Variants in CATSPERD observed in about 807,000 individuals in gnomAD.
CATSPERD encodes the protein catsper channel auxiliary subunit delta.
In CATSPERD, 86 loss-of-function variants were observed where a neutral mutation model predicts 98.1. That is an observed-to-expected ratio of 0.88 (90% confidence interval 0.74 to 1.05). The LOEUF (loss-of-function observed/expected upper bound fraction) is 1.05, where lower values mean the gene tolerates loss of function less well. Among genes scored for constraint, CATSPERD ranks in the 50% least tolerant of loss-of-function variants. The pLI is 0.00. For missense variants in CATSPERD, 995 were observed against 1,005.7 expected (o/e 0.99, Z 0.14); for synonymous variants, 394 against 390.2 (o/e 1.01, Z -0.12).
At chr19:5,721,278 A>G (rs1022391488) in intron 1 of CATSPERD, among the ~76,000 whole-genome samples, 8 of 152,010 alleles carry the variant, frequency 5.3e-5, no homozygotes, top group Middle Eastern at 3.2e-3. Flanking sequence ...CTGGGATTAC[A>G]GGCGTGAGCC....
chr19:5,758,769 C>G (rs1343392302), intron 14 of CATSPERD, among the ~76,000 whole-genome samples: 1 of 149,528 alleles, frequency 6.7e-6, no homozygotes, highest in Non-Finnish European at 1.5e-5. Context: ...AAAAAAAAGG[C>G]AAACATTAGC....
chr19:5,738,767 G>C (rs2485264), intron 6 of CATSPERD, among the ~76,000 whole-genome samples: 1 of 151,960 alleles, frequency 6.6e-6, no homozygotes, highest in African/African-American at 2.4e-5. Flanking sequence ...GTACAGGTGG[G>C]GTTTCACCAT....
intron 20 of CATSPERD, among the ~76,000 whole-genome samples, chr19:5,773,496 C>A (rs568019624): frequency 3.3e-4 from 50 of 152,134 alleles, no homozygotes; most frequent in Non-Finnish European, 6.5e-4. Context: ...GATGGAATTC[C>A]CGGGCTGTCT....
chr19:5,767,430 T>C (rs2056561717), intron 17 of CATSPERD, among the ~76,000 whole-genome samples: 1 of 150,386 alleles, frequency 6.6e-6, no homozygotes, highest in Non-Finnish European at 1.5e-5. Context: ...TTTTTTTCCA[T>C]ATCTGCTCAT....
chr19:5,732,590 G>C (rs770031342), intron 4 of CATSPERD, among the ~76,000 whole-genome samples: 1 of 151,598 alleles, frequency 6.6e-6, no homozygotes, highest in African/African-American at 2.4e-5. Context: ...CCGCCACCAC[G>C]CCCGGCTAAT....
intron 17 of CATSPERD, 61 bp downstream of exon 17, chr19:5,766,216 C>A: frequency 1.4e-6 from 2 of 1,457,742 alleles, no homozygotes; most frequent in Non-Finnish European, 1.9e-6. Context: ...TTTGGGAGGC[C>A]GAGGTGGGCA....
chr19:5,748,697 AT>A (rs1407024285), intron 10 of CATSPERD, among the ~76,000 whole-genome samples: 1 of 134,236 alleles, frequency 7.4e-6, no homozygotes, highest in Non-Finnish European at 1.6e-5. Flanking sequence ...GAATTTTGTG[AT>A]TATAACCAGA....
intron 16 of CATSPERD, among the ~76,000 whole-genome samples, chr19:5,764,845 C>A (rs1469371559): frequency 1.3e-5 from 2 of 151,472 alleles, no homozygotes; most frequent in Non-Finnish European, 2.9e-5. Flanking sequence ...GAACTCCTGA[C>A]CTCAGGCAAT....
At chr19:5,763,759 T>TA (rs760167025) in intron 16 of CATSPERD, among the ~76,000 whole-genome samples, 14 of 150,588 alleles carry the variant, frequency 9.3e-5, no homozygotes, top group Non-Finnish European at 1.9e-4. Flanking sequence ...CTCCCACACT[T>TA]ACAGGCGTGA....
rs1042326793 is a variant in CATSPERD at position 5,763,101 on chromosome 19, G to A, written c.1428-114G>A. On this transcript the variant is annotated intron_variant, in intron 15 of 21. Coordinates refer to ENST00000381624, the MANE Select transcript of CATSPERD (RefSeq NM_152784.4). ...GGAATGAATGGATGGAAGGATGGAT[G>A]AGATGGATGGATGGATGCACGGATG... The A allele has an allele frequency of 9.6e-6, 7 of 731,886 alleles. No homozygotes were observed. In the Admixed American group the frequency reaches 1.3e-4, roughly 14 times the overall value. The allele number at this position is 731,886 out of a possible 1,614,324, so 45.3% of individuals were successfully genotyped here.
intron 5 of CATSPERD, among the ~76,000 whole-genome samples, chr19:5,734,448 G>A (rs1439657290): frequency 6.6e-6 from 1 of 152,178 alleles, no homozygotes; most frequent in Non-Finnish European, 1.5e-5. Context: ...AGACCAGCCT[G>A]ACCAACATGG....
In CATSPERD at chr19:5,763,847, C is replaced by CTTTTTTTTTTTTTTTTTTTTTTTTTTT. The variant is rs56352544; in HGVS notation, c.1506+572_1506+573insTTTTTTTTTTTTTTTTTTTTTTTTTTT. On this transcript the variant is annotated intron_variant, in intron 16 of 21. Coordinates refer to ENST00000381624, the MANE Select transcript of CATSPERD (RefSeq NM_152784.4). ...TGTTGGCCAGGCTGGTCTTGAACTCCTTTTTTTTTTTTTTTTTTGACATGG... is the reference window on the plus strand; with the variant it reads ...TGTTGGCCAGGCTGGTCTTGAACTCCTTTTTTTTTTTTTTTTTTTTTTTTTTTTTTTTTTTTTTTTTTTTTGACATGG... 6.1e-3 allele frequency among the ~76,000 whole-genome samples: 379 copies of CTTTTTTTTTTTTTTTTTTTTTTTTTTT among 62,066 alleles called. 85 individuals carry two copies. Among genetic ancestry groups the CTTTTTTTTTTTTTTTTTTTTTTTTTTT allele is most frequent in the Middle Eastern group, 0.012 (1 of 86 alleles). The allele number at this position is 62,066 out of a possible 152,430, so 40.7% of individuals were successfully genotyped here.
intron 10 of CATSPERD, among the ~76,000 whole-genome samples, chr19:5,748,836 C>A (rs1211591470): frequency 1.5e-5 from 2 of 133,388 alleles, no homozygotes; most frequent in Non-Finnish European, 3.1e-5. Context: ...TTAAATGATT[C>A]TCCTGCCTCA....
In CATSPERD at chr19:5,763,847, C is replaced by CTTTTTTTTTTTTTT. The variant is rs56352544; in HGVS notation, c.1506+559_1506+572dup. ...TGTTGGCCAGGCTGGTCTTGAACTCCTTTTTTTTTTTTTTTTTTGACATGG... is the reference window on the plus strand; with the variant it reads ...TGTTGGCCAGGCTGGTCTTGAACTCCTTTTTTTTTTTTTTTTTTTTTTTTTTTTTTTTGACATGG... On this transcript the variant is annotated intron_variant, in intron 16 of 21. Transcript: ENST00000381624. Among the ~76,000 whole-genome samples, 47 of 62,132 alleles carry CTTTTTTTTTTTTTT rather than the reference C, an allele frequency of 7.6e-4. 7 individuals are homozygous for CTTTTTTTTTTTTTT. Among genetic ancestry groups the CTTTTTTTTTTTTTT allele is most frequent in the Middle Eastern group, 0.023 (2 of 86 alleles). The allele number at this position is 62,132 out of a possible 152,430, so 40.8% of individuals were successfully genotyped here.
chr19:5,720,705 G>A lies in CATSPERD; in HGVS notation c.-33G>A, dbSNP rs1011456127. The A allele has an allele frequency of 6.2e-7, 1 of 1,600,104 alleles. No individual in the cohort carries two copies. The highest frequency in any genetic ancestry group is 8.5e-7 in the Non-Finnish European group (1 of 1,175,988). Reference sequence around the variant, plus strand: ...TGTGCAGCGACTCCCCGTGGCGGTTGAGGGGCAGTGGTGGCGGCGGAAGCC... The same window carrying A: ...TGTGCAGCGACTCCCCGTGGCGGTTAAGGGGCAGTGGTGGCGGCGGAAGCC... On this transcript the variant is annotated 5_prime_UTR_variant, in exon 1 of 22. The change abolishes the stop of an existing upstream ORF in the 5' untranslated region. Coordinates refer to ENST00000381624, the MANE Select transcript of CATSPERD (RefSeq NM_152784.4).
At chr19:5,775,428 G>A in intron 20 of CATSPERD, 1 of 315,188 alleles carries the variant, frequency 3.2e-6, no homozygotes, top group South Asian at 2.5e-5. Flanking sequence ...ACAAGGTCAG[G>A]AGATTGAGAC....
chr19:5,767,490 T>C (rs1411252412), intron 17 of CATSPERD, among the ~76,000 whole-genome samples: 6 of 150,342 alleles, frequency 4.0e-5, no homozygotes, highest in Non-Finnish European at 8.9e-5. Flanking sequence ...CCCTTTTATA[T>C]ATTATTATTA....
chr19:5,744,854 G>C (rs905108869), intron 8 of CATSPERD, among the ~76,000 whole-genome samples: 1 of 151,324 alleles, frequency 6.6e-6, no homozygotes, highest in East Asian at 2.0e-4. Flanking sequence ...ACCCACCTTG[G>C]CCTCCCAAAG....
At chr19:5,723,458 ATT>A (rs773822808) in intron 1 of CATSPERD, among the ~76,000 whole-genome samples, 2,680 of 90,706 alleles carry the variant, frequency 0.03, 51 homozygotes, top group African/African-American at 0.084. Flanking sequence ...TGCCCAGCTA[ATT>A]TTTTTTTTTT....
Sources: allele counts gnomAD v4.1 joint callset (sites outside exome capture counted in the v4.1 genomes callset), GRCh38; gene constraint gnomAD v4.1.1; transcripts MANE v1.5; gene names NCBI Gene and HGNC (gene_info 2026-07-23, HGNC 2026-07-21).